CDK10: variants seen among roughly 807,000 people sequenced by gnomAD.
CDK10 encodes cyclin dependent kinase 10, also known as cyclin-dependent kinase 10.
A neutral mutation model predicts 51.0 loss-of-function variants in CDK10; 55 were observed. That is an observed-to-expected ratio of 1.08 (90% confidence interval 0.87 to 1.35). The LOEUF (loss-of-function observed/expected upper bound fraction) is 1.35. Among genes scored for constraint, CDK10 ranks in the 40% most tolerant of loss-of-function variants. The probability of loss-of-function intolerance (pLI) is 0.00; values close to 1 mark genes in which losing one functional copy is unlikely to be tolerated. For missense variants in CDK10, 589 were observed against 485.1 expected, an observed-to-expected ratio of 1.21 and a Z score of -2.01; for synonymous variants, 255 against 199.1, an observed-to-expected ratio of 1.28 and a Z score of -2.36.
chr16:89,694,730 TCCA>T lies in CDK10; in HGVS notation c.738_740del (p.His246del), dbSNP rs2060622794. 6.3e-7 allele frequency: 1 copy of T among 1,579,398 alleles called. No individual in the cohort carries two copies. The highest frequency in any genetic ancestry group is 8.6e-7 in the Non-Finnish European group (1 of 1,163,236). ...CCTCTTCTCCCCGGCACTTCCGAGA[TCCA>T]CCAGATCGACTTGATCGTGCAGCTG... On this transcript the variant is annotated inframe_deletion, in exon 10 of 13. Coordinates refer to ENST00000353379, the MANE Select transcript of CDK10 (RefSeq NM_052988.5).
chr16:89,689,244 T>C lies in CDK10; in HGVS notation c.88-8T>C, dbSNP rs1308538049. ...AATTTCCACACTGGCAACACCCTTCTGTTTCAGCTGGGACGATGCCGGAGT... is the reference window on the plus strand; with the variant it reads ...AATTTCCACACTGGCAACACCCTTCCGTTTCAGCTGGGACGATGCCGGAGT... On this transcript the variant is annotated splice_region_variant and splice_polypyrimidine_tract_variant and intron_variant, in intron 1 of 12. Transcript: ENST00000353379. 6.2e-7 allele frequency: 1 copy of C among 1,613,924 alleles called. No homozygotes were observed. The highest frequency in any genetic ancestry group is 8.5e-7 in the Non-Finnish European group (1 of 1,179,900).
At position 89,690,576 on chromosome 16, in the gene CDK10, G is replaced by T; in HGVS notation, c.184G>T (p.Asp62Tyr). The T allele has an allele frequency of 6.2e-7, 1 of 1,614,174 alleles. No homozygotes were observed. The highest frequency in any genetic ancestry group is 8.5e-7 in the Non-Finnish European group (1 of 1,180,030). The change falls in exon 3 of 13, where the codon GAT (aspartate) becomes TAT (tyrosine). Residue 62 changes from aspartate (D) to tyrosine (Y), a missense_variant. Physicochemically the swap from Asp to Tyr is radical, Grantham distance 160. Coordinates refer to ENST00000353379, the MANE Select transcript of CDK10 (RefSeq NM_052988.5). ...AGATCGGGCCCGGGACACCCAGACA[G>T]ATGAGATTGTCGCACTGAAGAAGGT... The part of the protein sequence containing the change: ...IVYRARDTQT[D>Y]EIVALKKVRM...
Position 89,692,449 on chromosome 16 carries a change from G to T in CDK10, c.418G>T (p.Val140Phe), listed in dbSNP as rs761194408. The T allele has an allele frequency of 6.3e-7, 1 of 1,587,184 alleles. No individual in the cohort carries two copies. Among genetic ancestry groups the T allele is most frequent in the Non-Finnish European group, 8.6e-7 (1 of 1,167,006 alleles). ...CTGGTACCTCTGACCCTCTGCACAG[G>T]TCAAGTGCATCGTGCTGCAGGTGCT... is the stretch of plus-strand genomic sequence containing the variant. ...NMPTPFSEAQVKCIVLQVLRG... is the reference protein window; with the variant it reads ...NMPTPFSEAQFKCIVLQVLRG... The change falls in exon 6 of 13, where the codon GTC becomes TTC. Residue 140 changes from valine to phenylalanine, a missense_variant and splice_region_variant. By Grantham distance (50) the Val-to-Phe change is conservative. Coordinates refer to ENST00000353379, the MANE Select transcript of CDK10 (RefSeq NM_052988.5).
intron 5 of CDK10, 104 bp from the exon 6 acceptor site, chr16:89,692,345 G>A: frequency 1.2e-6 from 1 of 832,798 alleles, no homozygotes; most frequent in Non-Finnish European, 1.9e-6. Flanking sequence ...TGGTTTCCTG[G>A]GCTATTGGGA....
chr16:89,693,957 C>A (rs992991823), intron 8 of CDK10: 1 of 611,584 alleles, frequency 1.6e-6, no homozygotes, highest in African/African-American at 1.8e-5. Context: ...GTCCGTGGTC[C>A]CTGCGACTCT....
intron 4 of CDK10, 123 bp from the exon 5 acceptor site, chr16:89,691,683 C>A: frequency 1.6e-6 from 2 of 1,240,352 alleles, no homozygotes; most frequent in Non-Finnish European, 2.4e-6. Context: ...CCGCCTGGCT[C>A]AGCCCATTGT....
Position 89,694,989 on chromosome 16 carries a change from A to G in CDK10, c.851A>G (p.Asn284Ser). The change falls in exon 11 of 13, where the codon AAC becomes AGC. Residue 284 changes from asparagine to serine, a missense_variant. Physicochemically the swap from Asn to Ser is conservative, Grantham distance 46. Transcript: ENST00000353379. Reference protein sequence around the residue: ...QYSLRKQPYNNLKHKFPWLSE... With the variant: ...QYSLRKQPYNSLKHKFPWLSE... ...AGCCTCCGGAAGCAGCCCTACAACA[A>G]CCTGAAGCACAAGTTCCCATGGCTG... The G allele has an allele frequency of 6.2e-7, 1 of 1,613,254 alleles. No homozygotes were observed. Among genetic ancestry groups the G allele is most frequent in the South Asian group, 1.1e-5 (1 of 91,076 alleles).
intron 5 of CDK10, 82 bp downstream of exon 5, chr16:89,691,969 G>A (rs1399260037): frequency 8.5e-7 from 1 of 1,181,302 alleles, no homozygotes; most frequent in Admixed American, 2.1e-5. Flanking sequence ...CAGGGCACTT[G>A]GGGACTTGAA....
Position 89,690,619 on chromosome 16 carries a change from A to C in CDK10, c.227A>C (p.Lys76Thr). 6.2e-7 allele frequency: 1 copy of C among 1,613,880 alleles called. No homozygotes were observed. Among genetic ancestry groups the C allele is most frequent in the East Asian group, 2.2e-5 (1 of 44,868 alleles). ...ALKKVRMDKEKDGIPISSLRE... is the reference protein window; with the variant it reads ...ALKKVRMDKETDGIPISSLRE... ...AAGAAGGTGCGGATGGACAAGGAGAAGGATGGTGAGCAGGAAATTGGGGTG... is the reference window on the plus strand; with the variant it reads ...AAGAAGGTGCGGATGGACAAGGAGACGGATGGTGAGCAGGAAATTGGGGTG... The change falls in exon 3 of 13, where the codon AAG (lysine) becomes ACG (threonine). Residue 76 changes from lysine (K) to threonine (T), a missense_variant. Physicochemically the swap from Lys to Thr is moderately conservative, Grantham distance 78. Transcript: ENST00000353379.
chr16:89,692,491 C>G lies in CDK10; in HGVS notation c.460C>G (p.Leu154Val), dbSNP rs757491976. The change falls in exon 6 of 13, where the codon CTG (leucine) becomes GTG (valine). Residue 154 changes from leucine (L) to valine (V), a missense_variant. Physicochemically the swap from Leu to Val is conservative, Grantham distance 32 (BLOSUM62 1). Transcript: ENST00000353379. ...VLQVLRGLQYLHRNFIIHRDL... is the reference protein window; with the variant it reads ...VLQVLRGLQYVHRNFIIHRDL... ...GCAGGTGCTCCGGGGCCTCCAGTAT[C>G]TGCACAGGAACTTCATTATCCACAG... 2.0e-5 allele frequency: 32 copies of G among 1,597,152 alleles called. No homozygotes were observed. The highest frequency in any genetic ancestry group is 2.6e-5 in the Non-Finnish European group (30 of 1,171,630).
intron 5 of CDK10, 158 bp downstream of exon 5, chr16:89,692,045 G>A: frequency 1.5e-6 from 1 of 652,662 alleles, no homozygotes. Flanking sequence ...TGGAATTCCT[G>A]TGGTGGGGGC....
intron 11 of CDK10, 80 bp downstream of exon 11, chr16:89,695,150 G>C: frequency 6.4e-7 from 1 of 1,551,428 alleles, no homozygotes; most frequent in South Asian, 1.2e-5. Flanking sequence ...GCCTCACTGC[G>C]GTGGAGAGGC....
chr16:89,687,506 C>T (rs1002994945), intron 1 of CDK10: 37 of 456,082 alleles, frequency 8.1e-5, no homozygotes, highest in Non-Finnish European at 1.5e-4. Flanking sequence ...GCAGCAGGCG[C>T]TCACCGCGTT....
rs199997932 is a variant in CDK10, at chr16:89,694,717, G to C, written c.721G>C (p.Gly241Arg). 1.3e-6 allele frequency: 2 copies of C among 1,583,696 alleles called. No homozygotes were observed. The highest frequency in any genetic ancestry group is 1.7e-6 in the Non-Finnish European group (2 of 1,165,496). The change falls in exon 10 of 13, where the codon GGC becomes CGC. Residue 241 changes from glycine (G) to arginine (R), a missense_variant. Coordinates refer to ENST00000353379, the MANE Select transcript of CDK10 (RefSeq NM_052988.5). ...GCTGGCGCACAGGCCTCTTCTCCCCGGCACTTCCGAGATCCACCAGATCGA... is the reference window on the plus strand; with the variant it reads ...GCTGGCGCACAGGCCTCTTCTCCCCCGCACTTCCGAGATCCACCAGATCGA... ...ELLAHRPLLP[G>R]TSEIHQIDLI...
chr16:89,695,408 G>A (rs1021129173), intron 12 of CDK10, 63 bp downstream of exon 12: 13 of 1,565,546 alleles, frequency 8.3e-6, no homozygotes, highest in Admixed American at 3.4e-5. Flanking sequence ...TTTGCCCGGG[G>A]TGGGTGGTGG....
At position 89,694,956 on chromosome 16, in the gene CDK10, G is replaced by A; in HGVS notation, c.818G>A (p.Gly273Asp). Residue 273 changes from glycine (G) to aspartate (D), a missense_variant, in exon 11 of 13, where the codon GGC (glycine) becomes GAC (aspartate). Gly to Asp is a moderately conservative substitution (Grantham distance 94). Transcript: ENST00000353379. ...WPGFSKLPLVGQYSLRKQPYN... is the reference protein window; with the variant it reads ...WPGFSKLPLVDQYSLRKQPYN... ...GGCTTTTCCAAGCTGCCACTGGTCG[G>A]CCAGTACAGCCTCCGGAAGCAGCCC... 4.3e-6 allele frequency: 7 copies of A among 1,613,228 alleles called. No individual in the cohort carries two copies. The highest frequency in any genetic ancestry group is 2.7e-5 in the African/African-American group (2 of 75,050).
chr16:89,690,661 G>C (rs1376522814), intron 3 of CDK10, 37 bp downstream of exon 3: 2 of 1,543,466 alleles, frequency 1.3e-6, no homozygotes, highest in East Asian at 2.2e-5. Context: ...CCTCGCACTG[G>C]GAGGAGGCAG....
chr16:89,690,563 G>C lies in CDK10; in HGVS notation c.171G>C (p.Arg57=). 6.2e-7 allele frequency: 1 copy of C among 1,614,096 alleles called. No homozygotes were observed. The highest frequency in any genetic ancestry group is 8.5e-7 in the Non-Finnish European group (1 of 1,179,990). Residue 57 remains arginine, a synonymous_variant, in exon 3 of 13, where the codon CGG becomes CGC. Transcript: ENST00000353379. ...EGTYGIVYRA[R]DTQTDEIVAL... ...GTGTTTCCATTCCAGATCGGGCCCG[G>C]GACACCCAGACAGATGAGATTGTCG... is the stretch of plus-strand genomic sequence containing the variant.
intron 8 of CDK10, chr16:89,693,904 C>G (rs2060570266): frequency 3.4e-6 from 2 of 587,874 alleles, no homozygotes; most frequent in Non-Finnish European, 6.1e-6. Flanking sequence ...TACTCCCCAT[C>G]TGAGAACGGG....
Sources: gnomAD v4.1 joint callset for allele counts on GRCh38, gnomAD v4.1.1 for gene constraint, MANE v1.5 for transcripts, NCBI Gene and HGNC (gene_info 2026-07-23, HGNC 2026-07-21) for gene names.